Variants in LRRC69 observed in about 807,000 individuals in gnomAD.
LRRC69 encodes leucine-rich repeat-containing protein 69.
In LRRC69, 42 loss-of-function variants were observed where a neutral mutation model predicts 37.8. That is an observed-to-expected ratio of 1.11 (90% CI 0.87 to 1.44). The LOEUF (loss-of-function observed/expected upper bound fraction) is 1.44, where lower values mean the gene tolerates loss of function less well. Among genes scored for constraint, LRRC69 ranks in the 40% most tolerant of loss-of-function variants. The probability of loss-of-function intolerance (pLI) is 0.00; values close to 1 mark genes in which losing one functional copy is unlikely to be tolerated. For synonymous variants in LRRC69, 141 were observed against 143.1 expected (o/e 0.99, Z 0.11); for missense variants, 357 against 401.9 (o/e 0.89, Z 0.96).
chr8:91,212,812 A>G (rs1376130156), intron 7 of LRRC69, among the ~76,000 whole-genome samples: 5 of 152,206 alleles, frequency 3.3e-5, no homozygotes, highest in African/African-American at 4.8e-5. Context: ...CATGAAAGTC[A>G]TAAGTATTTA....
chr8:91,217,685 G>A (rs1282618173), intron 7 of LRRC69, among the ~76,000 whole-genome samples: 1 of 152,164 alleles, frequency 6.6e-6, no homozygotes, highest in African/African-American at 2.4e-5. Flanking sequence ...AGGAGTGGTA[G>A]TTGCCCAAAG....
chr8:91,193,900 TGA>T (rs1809546933), intron 6 of LRRC69, among the ~76,000 whole-genome samples: 2 of 132,538 alleles, frequency 1.5e-5, no homozygotes, highest in African/African-American at 5.8e-5. Flanking sequence ...ATAGGAGTGG[TGA>T]GAGAGGGCAC....
intron 7 of LRRC69, among the ~76,000 whole-genome samples, chr8:91,205,128 G>A (rs62526736): frequency 1.3e-5 from 2 of 152,024 alleles, no homozygotes; most frequent in Non-Finnish European, 1.5e-5. Flanking sequence ...AAAAATAGAA[G>A]AATAGATTCG....
chr8:91,144,675 A>G (rs1586243728), intron 5 of LRRC69, among the ~76,000 whole-genome samples: 1 of 151,888 alleles, frequency 6.6e-6, no homozygotes, highest in East Asian at 2.0e-4. Context: ...TTTTATACCC[A>G]ATGATGAATG....
chr8:91,151,143 G>T (rs1808729819), intron 5 of LRRC69, among the ~76,000 whole-genome samples: 1 of 151,842 alleles, frequency 6.6e-6, no homozygotes, highest in Admixed American at 6.6e-5. Flanking sequence ...GAATGTGTTT[G>T]CTCTTGCTTC....
At chr8:91,135,599 AT>A in intron 4 of LRRC69, 68 bp from the exon 5 acceptor site, 1 of 1,062,574 alleles carries the variant, frequency 9.4e-7, no homozygotes, top group Non-Finnish European at 1.3e-6. Flanking sequence ...CTTTAAAAAA[AT>A]TTATGATTTT....
rs1209537991 is a variant in LRRC69 at position 91,157,809 on chromosome 8, C to T, written c.651+22070C>T. The stretch of plus-strand genomic sequence containing the variant: ...GCAGTGGAAGTGGAATGGGATTATT[C>T]CCCACAAAGGGAGTGGGAAAAGGAG... On this transcript the variant is annotated intron_variant, in intron 5 of 7. Coordinates refer to ENST00000448384, the Ensembl canonical transcript of LRRC69. 3 of 1,607,304 alleles carry T rather than the reference C, an allele frequency of 1.9e-6. No individual in the cohort carries two copies. In the African/African-American group the frequency reaches 4.0e-5, roughly 22 times the overall value.
intron 7 of LRRC69, among the ~76,000 whole-genome samples, chr8:91,202,122 C>G (rs966583305): frequency 1.3e-5 from 2 of 152,138 alleles, no homozygotes; most frequent in African/African-American, 4.8e-5. Context: ...AGGAGAATCA[C>G]TTGAATCTGG....
At chr8:91,138,288 A>G (rs1808454902) in intron 5 of LRRC69, among the ~76,000 whole-genome samples, 1 of 151,974 alleles carries the variant, frequency 6.6e-6, no homozygotes, top group Non-Finnish European at 1.5e-5. Context: ...CATTTTTAAA[A>G]ACCTTTTTTA....
In LRRC69 at chr8:91,210,767, T is replaced by C. The variant is rs553552553; in HGVS notation, c.934-8123T>C. Among the ~76,000 whole-genome samples, 11 of 152,162 alleles carry C rather than the reference T, an allele frequency of 7.2e-5. No homozygotes were observed. In the East Asian group the frequency reaches 2.1e-3, roughly 29 times the overall value. The stretch of plus-strand genomic sequence containing the variant: ...AACATAATGGCATAAGAATATAGCA[T>C]GGATTAAAAACATAATGGTTAAAAG... On this transcript the variant is annotated intron_variant, in intron 7 of 7. Transcript: ENST00000448384.
intron 5 of LRRC69, among the ~76,000 whole-genome samples, chr8:91,162,666 G>A (rs1229830834): frequency 1.3e-5 from 2 of 151,062 alleles, no homozygotes; most frequent in African/African-American, 4.8e-5. Context: ...TGAGTTTTTT[G>A]TAGGCAGAAT....
chr8:91,151,932 G>A (rs149814303), intron 5 of LRRC69, among the ~76,000 whole-genome samples: 15 of 151,272 alleles, frequency 9.9e-5, no homozygotes, highest in South Asian at 6.3e-4. Flanking sequence ...TTTCTTGGCC[G>A]CATAAATGTC....
chr8:91,155,888 A>ATG (rs1808826085), intron 5 of LRRC69, among the ~76,000 whole-genome samples: 1 of 132,418 alleles, frequency 7.6e-6, no homozygotes, highest in Non-Finnish European at 1.7e-5. Flanking sequence ...TATACACAAC[A>ATG]TATATATATA....
chr8:91,209,255 C>A (rs892681175), intron 7 of LRRC69, among the ~76,000 whole-genome samples: 1 of 151,532 alleles, frequency 6.6e-6, no homozygotes, highest in African/African-American at 2.4e-5. Context: ...GGTGAAACCT[C>A]GTCTCTACTA....
intron 5 of LRRC69, among the ~76,000 whole-genome samples, chr8:91,177,091 T>C (rs1809245671): frequency 6.6e-6 from 1 of 152,188 alleles, no homozygotes; most frequent in Non-Finnish European, 1.5e-5. Context: ...ATTACTTTAT[T>C]TGTAATTACA....
Position 91,124,491 on chromosome 8 carries a change from A to G in LRRC69, c.184-2A>G. 6.6e-7 allele frequency: 1 copy of G among 1,526,392 alleles called. No homozygotes were observed. Among genetic ancestry groups the G allele is most frequent in the Non-Finnish European group, 8.8e-7 (1 of 1,136,364 alleles). 94.6% of individuals were successfully genotyped at this position (1,526,392 alleles called of 1,614,324 possible). ...GTCCATTAAACCTCTATATGTTTGC[A>G]GTTGACAACACTAAATCTGGGAAAC... On this transcript the variant is annotated splice_acceptor_variant, in intron 1 of 7. Coordinates refer to ENST00000448384, the Ensembl canonical transcript of LRRC69. LOFTEE classifies it high-confidence loss of function.
intron 5 of LRRC69, among the ~76,000 whole-genome samples, chr8:91,177,998 G>A (rs1032028040): frequency 2.0e-5 from 3 of 151,966 alleles, no homozygotes; most frequent in Admixed American, 1.3e-4. Flanking sequence ...ACTGGGGCCC[G>A]CCACCACACC....
In LRRC69 at chr8:91,192,086, A is replaced by G. The variant is rs1446810731; in HGVS notation, c.753+2463A>G. Among the ~76,000 whole-genome samples the G allele has an allele frequency of 7.5e-5, 11 of 146,994 alleles. No homozygotes were observed. The Admixed American group carries it at 7.6e-4, about 10-fold the overall frequency. ...GTTCAATTCCCACCTATGAGTGAGAATATGCGGTGTTTGGTTTTTTGTTCT... is the reference window on the plus strand; with the variant it reads ...GTTCAATTCCCACCTATGAGTGAGAGTATGCGGTGTTTGGTTTTTTGTTCT... On this transcript the variant is annotated intron_variant, in intron 6 of 7. Transcript: ENST00000448384.
intron 6 of LRRC69, among the ~76,000 whole-genome samples, chr8:91,194,811 T>G (rs1330858950): frequency 6.6e-6 from 1 of 152,170 alleles, no homozygotes; most frequent in Non-Finnish European, 1.5e-5. Flanking sequence ...GATTCATTAA[T>G]TTTTTGAAGG....
Sources: gnomAD v4.1 joint callset for allele counts (sites outside exome capture counted in the v4.1 genomes callset) on GRCh38, gnomAD v4.1.1 for gene constraint, MANE v1.5 for transcripts, NCBI Gene and HGNC (gene_info 2026-07-23, HGNC 2026-07-21) for gene names.